The following TKT variants were observed in gnomAD, a reference collection of about 807,000 sequenced individuals.
TKT encodes the protein epididymis luminal protein 107.
A neutral mutation model predicts 63.9 loss-of-function variants in TKT; 47 were observed. The observed-to-expected ratio is 0.74, with a 90% CI of 0.58 to 0.94. TKT has a LOEUF of 0.94. Among genes scored for constraint, TKT ranks in the 40% least tolerant of loss-of-function variants. The probability of loss-of-function intolerance (pLI) is 0.00; values close to 1 mark genes in which losing one functional copy is unlikely to be tolerated. For missense variants in TKT, 721 were observed against 846.2 expected, an observed-to-expected ratio of 0.85 and a Z score of 1.84; for synonymous variants, 338 against 334.1, an observed-to-expected ratio of 1.01 and a Z score of -0.13.
intron 4 of TKT, among the ~76,000 whole-genome samples, 163 bp downstream of exon 4, chr3:53,240,088 A>G (rs1553679442): frequency 6.6e-6 from 1 of 152,196 alleles, no homozygotes; most frequent in Admixed American, 6.5e-5. Flanking sequence ...CGGTCATGGC[A>G]CCAGCCATAG....
At chr3:53,233,550 T>C (rs1183272286) in intron 5 of TKT, 2 of 336,104 alleles carry the variant, frequency 6.0e-6, no homozygotes, top group East Asian at 5.8e-5. Flanking sequence ...TCCTTTATTG[T>C]CTCTTTCATT....
chr3:53,235,553 G>C (rs1042611596), intron 4 of TKT: 1 of 160,572 alleles, frequency 6.2e-6, no homozygotes, highest in Non-Finnish European at 1.4e-5. Context: ...GACAGACCCC[G>C]CTGTGAACCA....
At chr3:53,231,303 A>G (rs782344960) in intron 7 of TKT, 54 bp downstream of exon 7, 22 of 1,591,438 alleles carry the variant, frequency 1.4e-5, no homozygotes, top group Non-Finnish European at 1.9e-5. Context: ...TCTGGGCCAC[A>G]GACTTGGGAA....
At chr3:53,231,325 A>G (rs540436325) in intron 7 of TKT, 32 bp downstream of exon 7, 1 of 1,608,196 alleles carries the variant, frequency 6.2e-7, no homozygotes, top group South Asian at 1.1e-5. Context: ...CCTGAGAACT[A>G]TGGGTTCAGA....
Position 53,225,904 on chromosome 3 carries a change from G to A in TKT, c.1724C>T (p.Ala575Val), listed in dbSNP as rs782738612. 1.2e-6 allele frequency: 2 copies of A among 1,613,162 alleles called. No individual in the cohort carries two copies. Among genetic ancestry groups the A allele is most frequent in the South Asian group, 1.1e-5 (1 of 90,980 alleles). The change falls in exon 14 of 14, where the codon GCA (alanine) becomes GTA (valine). Residue 575 changes from alanine to valine, a missense_variant. Physicochemically the swap from Ala to Val is moderately conservative, Grantham distance 64 (BLOSUM62 0). Transcript: ENST00000462138. ...EGGIGEAVSSAVVGEPGITVT... is the reference protein window; with the variant it reads ...EGGIGEAVSSVVVGEPGITVT... ...AGTGATGCCAGGCTCGCCCACTACT[G>A]CACTGGACACAGCCTCACCAATGCC... is the stretch of plus-strand genomic sequence containing the variant.
In TKT at chr3:53,228,347, T is replaced by A. The variant is rs565781467; in HGVS notation, c.1408A>T (p.Ile470Phe). The change falls in exon 11 of 14, where the codon ATC becomes TTC. Residue 470 changes from isoleucine (I) to phenylalanine (F), a missense_variant. Ile to Phe is a conservative substitution (Grantham distance 21, BLOSUM62 0). Transcript: ENST00000462138. ...LAANTKGICF[I>F]RTSRPENAII... ...GCATTTTCTGGGCGGCTGGTCCGGA[T>A]GAAGCAGATACCCTGAGACCGAAAC... The A allele has an allele frequency of 1.6e-4, 253 of 1,614,114 alleles. 2 individuals are homozygous for A. In the South Asian group the frequency reaches 2.4e-3, roughly 16 times the overall value.
At chr3:53,230,863 C>T (rs1429386623) in intron 7 of TKT, among the ~76,000 whole-genome samples, 2 of 152,270 alleles carry the variant, frequency 1.3e-5, no homozygotes, top group African/African-American at 4.8e-5. Flanking sequence ...AAGACACCCA[C>T]CAGCCCCAAC....
At chr3:53,228,763 GGCCAGGGCT>G in intron 10 of TKT, 1 of 593,760 alleles carries the variant, frequency 1.7e-6, no homozygotes, top group Non-Finnish European at 2.9e-6. Context: ...CCGCTGGACC[GGCCAGGGCT>G]GCCAGGATTC....
chr3:53,253,072 C>T (rs1165581834), intron 1 of TKT, among the ~76,000 whole-genome samples: 3 of 152,014 alleles, frequency 2.0e-5, no homozygotes, highest in African/African-American at 7.3e-5. Context: ...ATCTCCTGAC[C>T]TTCAGGTGAT....
intron 1 of TKT, chr3:53,243,660 C>G: frequency 4.4e-6 from 2 of 455,656 alleles, no homozygotes; most frequent in South Asian, 1.6e-5. Flanking sequence ...AACGAGAAAC[C>G]CTTTTCTGCC....
intron 1 of TKT, among the ~76,000 whole-genome samples, chr3:53,244,049 A>G (rs980286482): frequency 1.3e-5 from 2 of 152,214 alleles, no homozygotes; most frequent in African/African-American, 4.8e-5. Flanking sequence ...AAGCACACCC[A>G]GGCCCAGATA....
chr3:53,247,740 G>A (rs1383254237), intron 1 of TKT, among the ~76,000 whole-genome samples: 1 of 151,182 alleles, frequency 6.6e-6, no homozygotes, highest in South Asian at 2.1e-4. Flanking sequence ...TGAACTACCC[G>A]AGCTGGCTTC....
Position 53,225,436 on chromosome 3 carries a change from A to G in TKT, c.*320T>C. ...GGTCTCAGCCTCTCAGCTAGAAGGC[A>G]GGTTGCAGTCAAATGTCACCTGGTG... is the stretch of plus-strand genomic sequence containing the variant. On this transcript the variant is annotated 3_prime_UTR_variant, in exon 14 of 14. Transcript: ENST00000462138. The G allele has an allele frequency of 4.9e-6, 1 of 205,854 alleles. No homozygotes were observed. Among genetic ancestry groups the G allele is most frequent in the Non-Finnish European group, 9.8e-6 (1 of 102,504 alleles). The allele number at this position is 205,854 out of a possible 1,614,324, so 12.8% of individuals were successfully genotyped here. A position where few individuals can be genotyped will look rare whatever the true frequency, so the allele number is the denominator to read the frequency against.
chr3:53,233,456 CTTTTCT>C, intron 5 of TKT, 182 bp from the exon 6 acceptor site: 1 of 511,680 alleles, frequency 2.0e-6, no homozygotes, highest in East Asian at 3.3e-5. Context: ...TTTTTAAATC[CTTTTCT>C]TTTTCACATT....
chr3:53,240,420 A>G, intron 3 of TKT, 72 bp from the exon 4 acceptor site: 1 of 1,418,698 alleles, frequency 7.0e-7, no homozygotes, highest in Non-Finnish European at 9.7e-7. Flanking sequence ...AGGGAGCCAC[A>G]CTCCCACCCA....
In TKT at chr3:53,228,350, A is replaced by G; in HGVS notation, c.1405T>C (p.Phe469Leu). 6.2e-7 allele frequency: 1 copy of G among 1,614,124 alleles called. No homozygotes were observed. The highest frequency in any genetic ancestry group is 8.5e-7 in the Non-Finnish European group (1 of 1,180,012). ...TTTTCTGGGCGGCTGGTCCGGATGA[A>G]GCAGATACCCTGAGACCGAAACAGA... Reference protein sequence around the residue: ...ELAANTKGICFIRTSRPENAI... With the variant: ...ELAANTKGICLIRTSRPENAI... Residue 469 changes from phenylalanine (F) to leucine (L), a missense_variant, in exon 11 of 14, where the codon TTC (phenylalanine) becomes CTC (leucine). Transcript: ENST00000462138.
chr3:53,233,142 T>C lies in TKT; in HGVS notation c.748+14A>G, dbSNP rs1553677573. On this transcript the variant is annotated intron_variant, in intron 6 of 13. Coordinates refer to ENST00000462138, the MANE Select transcript of TKT (RefSeq NM_001064.4). ...GAGGGGTGAAGGTGGGGAGGGCGGC[T>C]TGTGCATACTGACCCGTGATCCCTC... The C allele has an allele frequency of 1.2e-6, 2 of 1,610,410 alleles. No individual in the cohort carries two copies. The highest frequency in any genetic ancestry group is 3.3e-5 in the Admixed American group (2 of 59,766).
Position 53,225,886 on chromosome 3 carries a change from C to T in TKT, c.1742G>A (p.Gly581Asp). Reference protein sequence around the residue: ...AVSSAVVGEPGITVTHLAVNR... With the variant: ...AVSSAVVGEPDITVTHLAVNR... The stretch of plus-strand genomic sequence containing the variant: ...AACTGCCAGGTGGGTGACAGTGATG[C>T]CAGGCTCGCCCACTACTGCACTGGA... Residue 581 changes from glycine to aspartate, a missense_variant, in exon 14 of 14, where the codon GGC becomes GAC. Physicochemically the swap from Gly to Asp is moderately conservative, Grantham distance 94. Coordinates refer to ENST00000462138, the MANE Select transcript of TKT (RefSeq NM_001064.4). 1 of 1,613,802 alleles carries T rather than the reference C, an allele frequency of 6.2e-7. No homozygotes were observed. The highest frequency in any genetic ancestry group is 8.5e-7 in the Non-Finnish European group (1 of 1,179,966).
intron 5 of TKT, 88 bp downstream of exon 5, chr3:53,234,889 CCAGCTT>C (rs1553678119): frequency 7.9e-5 from 106 of 1,333,670 alleles, no homozygotes; most frequent in Non-Finnish European, 9.3e-5. Context: ...GCTTAAGGTC[CCAGCTT>C]CAGCTCCTGC....
Sources: allele counts gnomAD v4.1 joint callset (sites outside exome capture counted in the v4.1 genomes callset), GRCh38; gene constraint gnomAD v4.1.1; transcripts MANE v1.5; gene names NCBI Gene and HGNC (gene_info 2026-07-23, HGNC 2026-07-21).